SPPL3: variants seen among roughly 807,000 people sequenced by gnomAD.
The protein encoded by SPPL3 is signal peptide peptidase like 3.
SPPL3 carries 5 observed loss-of-function variants against 42.4 expected under a neutral mutation model. That is an observed-to-expected ratio of 0.12 (90% confidence interval 0.06 to 0.25). The LOEUF (loss-of-function observed/expected upper bound fraction) is 0.25. Among genes scored for constraint, SPPL3 ranks in the 10% least tolerant of loss-of-function variants. The probability of loss-of-function intolerance (pLI) is 1.00; values close to 1 mark genes in which losing one functional copy is unlikely to be tolerated. For synonymous variants in SPPL3, 195 were observed against 181.8 expected, an observed-to-expected ratio of 1.07 and a Z score of -0.58; for missense variants, 235 against 489.0, an observed-to-expected ratio of 0.48 and a Z score of 4.90.
At chr12:120,845,991 G>A (rs191832826) in intron 1 of SPPL3, among the ~76,000 whole-genome samples, 4 of 152,022 alleles carry the variant, frequency 2.6e-5, no homozygotes, top group African/African-American at 4.8e-5. Context: ...TCCGCCTCCC[G>A]GGTTCAAGCG....
At chr12:120,892,798 C>G (rs577031534) in intron 1 of SPPL3, among the ~76,000 whole-genome samples, 2 of 151,746 alleles carry the variant, frequency 1.3e-5, no homozygotes, top group East Asian at 3.9e-4. Flanking sequence ...CTGGCTAACA[C>G]GGTGAAACCC....
At chr12:120,766,156 G>T in intron 10 of SPPL3, 107 bp downstream of exon 10, 11 of 786,572 alleles carry the variant, frequency 1.4e-5, no homozygotes, top group East Asian at 3.2e-5. Context: ...GAGATCACAA[G>T]CTCACTCAGG....
chr12:120,830,146 A>G (rs902261620), intron 1 of SPPL3, among the ~76,000 whole-genome samples: 1 of 148,410 alleles, frequency 6.7e-6, no homozygotes, highest in Non-Finnish European at 1.5e-5. Flanking sequence ...GGTCTTAGAT[A>G]CATTAATATT....
At chr12:120,814,861 AC>A (rs1006970528) in intron 1 of SPPL3, among the ~76,000 whole-genome samples, 33 of 151,914 alleles carry the variant, frequency 2.2e-4, no homozygotes, top group African/African-American at 6.5e-4. Flanking sequence ...ATCTCCCTCT[AC>A]CCCCCTTTTA....
At chr12:120,868,015 G>A (rs1353160991) in intron 1 of SPPL3, among the ~76,000 whole-genome samples, 1 of 152,134 alleles carries the variant, frequency 6.6e-6, no homozygotes, top group Non-Finnish European at 1.5e-5. Flanking sequence ...CCAAAATGCT[G>A]GGATTACAGG....
At chr12:120,874,258 A>T (rs773080926) in intron 1 of SPPL3, among the ~76,000 whole-genome samples, 1 of 151,878 alleles carries the variant, frequency 6.6e-6, no homozygotes, top group Non-Finnish European at 1.5e-5. Context: ...ATCGAGACCA[A>T]CCTGGCCAAC....
chr12:120,856,599 G>A (rs540723801), intron 1 of SPPL3, among the ~76,000 whole-genome samples: 11 of 147,340 alleles, frequency 7.5e-5, no homozygotes, highest in Admixed American at 4.1e-4. Context: ...CTGGAACGAC[G>A]GCAGCATTCA....
At chr12:120,882,662 ATATT>A (rs1873327727) in intron 1 of SPPL3, among the ~76,000 whole-genome samples, 1 of 152,190 alleles carries the variant, frequency 6.6e-6, no homozygotes, top group African/African-American at 2.4e-5. Flanking sequence ...CATTCAAGAT[ATATT>A]TAATTTTAAA....
chr12:120,772,077 A>G (rs1431646037), intron 6 of SPPL3, among the ~76,000 whole-genome samples: 2 of 152,132 alleles, frequency 1.3e-5, no homozygotes, highest in African/African-American at 2.4e-5. Context: ...GCTGCAGTAC[A>G]ATGGTGCAAT....
At chr12:120,880,452 A>G (rs1157879937) in intron 1 of SPPL3, among the ~76,000 whole-genome samples, 1 of 152,062 alleles carries the variant, frequency 6.6e-6, no homozygotes, top group Non-Finnish European at 1.5e-5. Context: ...ACCAAAGGCC[A>G]CTATTAACAA....
At chr12:120,823,207 T>G (rs1279490960) in intron 1 of SPPL3, among the ~76,000 whole-genome samples, 2 of 12,192 alleles carry the variant, frequency 1.6e-4, no homozygotes, top group South Asian at 2.2e-3. Flanking sequence ...AGAGTGTGTG[T>G]GTGGGGGTGG....
intron 5 of SPPL3, among the ~76,000 whole-genome samples, chr12:120,783,462 TC>T (rs1410808716): frequency 1.3e-5 from 2 of 152,176 alleles, no homozygotes; most frequent in Non-Finnish European, 2.9e-5. Context: ...GACTCAGACT[TC>T]CTAAGTTTTG....
chr12:120,802,411 G>GTATA (rs1383465712), intron 2 of SPPL3, among the ~76,000 whole-genome samples: 2 of 101,308 alleles, frequency 2.0e-5, no homozygotes, highest in African/African-American at 4.6e-5. Context: ...GTGTGTGTGT[G>GTATA]TGTGTATATA....
At chr12:120,800,363 C>T (rs1381686641) in intron 2 of SPPL3, among the ~76,000 whole-genome samples, 1 of 151,996 alleles carries the variant, frequency 6.6e-6, no homozygotes, top group Non-Finnish European at 1.5e-5. Context: ...GCTAGCTGGG[C>T]CTGGTGGCGC....
chr12:120,888,901 C>G (rs941982254), intron 1 of SPPL3, among the ~76,000 whole-genome samples: 1 of 152,108 alleles, frequency 6.6e-6, no homozygotes, highest in Non-Finnish European at 1.5e-5. Flanking sequence ...CCTCCACCTC[C>G]TGGGCTCAGG....
intron 6 of SPPL3, among the ~76,000 whole-genome samples, chr12:120,777,660 G>A (rs1160474327): frequency 2.6e-5 from 4 of 152,126 alleles, no homozygotes; most frequent in African/African-American, 7.2e-5. Flanking sequence ...ATCAACTTCC[G>A]GAAGCACTGA....
chr12:120,787,671 TCTCA>T (rs1018783055), intron 3 of SPPL3, among the ~76,000 whole-genome samples: 8 of 152,162 alleles, frequency 5.3e-5, no homozygotes, highest in African/African-American at 7.2e-5. Context: ...TCTCTCTCTC[TCTCA>T]TTCTCCTGAA....
At chr12:120,873,876 A>T (rs936516894) in intron 1 of SPPL3, among the ~76,000 whole-genome samples, 4 of 152,016 alleles carry the variant, frequency 2.6e-5, no homozygotes, top group African/African-American at 4.8e-5. Flanking sequence ...CATCTCAAAA[A>T]AATTAATTAA....
intron 1 of SPPL3, among the ~76,000 whole-genome samples, chr12:120,876,457 A>T (rs1873090221): frequency 6.6e-6 from 1 of 151,586 alleles, no homozygotes; most frequent in Admixed American, 6.6e-5. Context: ...ACTAAAAAAA[A>T]ATACAAAAAA....
Sources: gnomAD v4.1 joint callset for allele counts (sites outside exome capture counted in the v4.1 genomes callset) on GRCh38, gnomAD v4.1.1 for gene constraint, MANE v1.5 for transcripts, NCBI Gene and HGNC (gene_info 2026-07-23, HGNC 2026-07-21) for gene names.